The following DLGAP2 variants were observed in gnomAD, a reference collection of about 807,000 sequenced individuals.
The protein encoded by DLGAP2 is DLG associated protein 2, also known as disks large-associated protein 2.
DLGAP2 carries 26 observed loss-of-function variants against 100.3 expected under a neutral mutation model. That is an observed-to-expected ratio of 0.26 (90% CI 0.19 to 0.36). The LOEUF (loss-of-function observed/expected upper bound fraction) is 0.36, where lower values mean the gene tolerates loss of function less well. DLGAP2 is among the 10% of genes least tolerant of loss of function. DLGAP2 has a pLI of 1.00. For missense variants in DLGAP2, 1,858 were observed against 1,453.2 expected (o/e 1.28, Z -4.53); for synonymous variants, 886 against 630.1 (o/e 1.41, Z -6.08).
intron 2 of DLGAP2, among the ~76,000 whole-genome samples, chr8:937,163 G>T (rs185961066): frequency 9.9e-5 from 15 of 152,260 alleles, no homozygotes; most frequent in Middle Eastern, 3.4e-3. Flanking sequence ...CTCGCCTGAC[G>T]AGGTGCTGCC....
intron 3 of DLGAP2, among the ~76,000 whole-genome samples, chr8:1,311,580 C>T (rs1800615321): frequency 6.6e-6 from 1 of 152,102 alleles, no homozygotes; most frequent in South Asian, 2.1e-4. Context: ...TTAGACTTGT[C>T]ATCAGGTGGG....
intron 4 of DLGAP2, among the ~76,000 whole-genome samples, chr8:1,507,546 C>G (rs191679716): frequency 0.024 from 3,631 of 152,252 alleles, 133 homozygotes; most frequent in African/African-American, 0.077. Context: ...CCGGCTCCGG[C>G]CTCGGCCAGC....
intron 2 of DLGAP2, among the ~76,000 whole-genome samples, chr8:1,130,755 A>G (rs1376574200): frequency 6.6e-6 from 1 of 152,226 alleles, no homozygotes; most frequent in Admixed American, 6.5e-5. Flanking sequence ...TGTTTGGTGC[A>G]GTCATCTTTG....
At chr8:1,450,317 G>GACTGTA (rs1343793210) in intron 3 of DLGAP2, among the ~76,000 whole-genome samples, 5 of 109,264 alleles carry the variant, frequency 4.6e-5, no homozygotes, top group Admixed American at 1.7e-4. Flanking sequence ...CGGTGGCTGA[G>GACTGTA]GCGGAGCTGT....
At chr8:1,216,636 C>T (rs553245942) in intron 2 of DLGAP2, among the ~76,000 whole-genome samples, 377 of 152,160 alleles carry the variant, frequency 2.5e-3, no homozygotes, top group African/African-American at 7.8e-3. Flanking sequence ...ACATCCTGCC[C>T]TCAATTGATT....
chr8:1,414,612 C>G (rs1227210110), intron 3 of DLGAP2, among the ~76,000 whole-genome samples: 2 of 152,234 alleles, frequency 1.3e-5, no homozygotes, highest in Non-Finnish European at 2.9e-5. Context: ...CTGAGCGGAG[C>G]TGCCCGGCAG....
At chr8:793,171 G>A (rs1795954057) in intron 1 of DLGAP2, among the ~76,000 whole-genome samples, 1 of 152,148 alleles carries the variant, frequency 6.6e-6, no homozygotes, top group African/African-American at 2.4e-5. Context: ...CTTCTAGAGA[G>A]TCTCTTTGTT....
intron 2 of DLGAP2, among the ~76,000 whole-genome samples, chr8:954,113 A>G (rs1464160613): frequency 6.6e-6 from 1 of 152,120 alleles, no homozygotes; most frequent in Non-Finnish European, 1.5e-5. Context: ...AAAGAGTGTC[A>G]GTGGCTCCCA....
intron 3 of DLGAP2, among the ~76,000 whole-genome samples, chr8:1,451,929 T>C (rs1231297698): frequency 6.6e-6 from 1 of 152,216 alleles, no homozygotes; most frequent in African/African-American, 2.4e-5. Flanking sequence ...CACCCTGCTC[T>C]CTTCCGTGTT....
intron 6 of DLGAP2, among the ~76,000 whole-genome samples, chr8:1,598,672 CTGAT>C (rs1796532676): frequency 1.3e-5 from 2 of 152,120 alleles, no homozygotes; most frequent in South Asian, 4.1e-4. Flanking sequence ...ATAGTGTTCT[CTGAT>C]TGTAGTTTGT....
chr8:1,226,471 CA>C (rs1307892602), intron 2 of DLGAP2, among the ~76,000 whole-genome samples: 5 of 152,038 alleles, frequency 3.3e-5, no homozygotes, highest in African/African-American at 9.7e-5. Flanking sequence ...AGGGGCCTGT[CA>C]GGGGGCAAGG....
rs148062905 is a variant in DLGAP2 at position 1,411,885 on chromosome 8, C to T, written c.107-89481C>T. On this transcript the variant is annotated intron_variant, in intron 3 of 14. Coordinates refer to ENST00000637795, the MANE Select transcript of DLGAP2 (RefSeq NM_001346810.2). ...GCCCTGGTGGTGCGGCACACTCATC[C>T]AGGCCTTTGCAAGTGGGACACAGAG... Among the ~76,000 whole-genome samples, 21 of 152,216 alleles carry T rather than the reference C, an allele frequency of 1.4e-4. 1 individual carries two copies. Among genetic ancestry groups the T allele is most frequent in the African/African-American group, 5.1e-4 (21 of 41,546 alleles).
intron 3 of DLGAP2, among the ~76,000 whole-genome samples, chr8:1,468,437 G>T (rs1798689563): frequency 6.6e-6 from 1 of 151,444 alleles, no homozygotes; most frequent in Admixed American, 6.6e-5. Context: ...GTCCCCAACA[G>T]CCATGGTTTC....
chr8:1,459,565 G>A (rs766382639), intron 3 of DLGAP2, among the ~76,000 whole-genome samples: 2 of 152,034 alleles, frequency 1.3e-5, no homozygotes, highest in African/African-American at 2.4e-5. Flanking sequence ...TACCAAGCAT[G>A]TATTGTTTAT....
chr8:1,246,987 T>C (rs62487840), intron 2 of DLGAP2: 82,491 of 90,718 alleles, frequency 0.91, 38,394 homozygotes, highest in Middle Eastern at 0.98. Context: ...TGATGGTCCA[T>C]GTTGGTGGCT....
intron 2 of DLGAP2, among the ~76,000 whole-genome samples, chr8:1,132,650 A>G (rs185077433): frequency 6.6e-6 from 1 of 152,224 alleles, no homozygotes; most frequent in African/African-American, 2.4e-5. Flanking sequence ...GAAGGCGTTT[A>G]CTGGAGAGCA....
chr8:1,501,776 A>G (rs1427070907), intron 4 of DLGAP2, among the ~76,000 whole-genome samples: 1 of 152,006 alleles, frequency 6.6e-6, no homozygotes, highest in Non-Finnish European at 1.5e-5. Flanking sequence ...CCGCATTTGC[A>G]TTTTTCATGT....
At chr8:965,583 A>C (rs111583799) in intron 2 of DLGAP2, among the ~76,000 whole-genome samples, 1 of 128,512 alleles carries the variant, frequency 7.8e-6, no homozygotes, top group Non-Finnish European at 1.6e-5. Context: ...TGCACACGGC[A>C]CTGTTCACCT....
chr8:953,795 G>C (rs941120474), intron 2 of DLGAP2, among the ~76,000 whole-genome samples: 1 of 151,396 alleles, frequency 6.6e-6, no homozygotes, highest in South Asian at 2.1e-4. Flanking sequence ...TAAGACAGTC[G>C]TTTCCTTTGC....
Sources: allele counts gnomAD v4.1 joint callset (sites outside exome capture counted in the v4.1 genomes callset), GRCh38; gene constraint gnomAD v4.1.1; transcripts MANE v1.5; gene names NCBI Gene and HGNC (gene_info 2026-07-23, HGNC 2026-07-21).